The following SRCIN1 variants were observed in gnomAD, a reference collection of about 807,000 sequenced individuals.
SRCIN1 encodes the protein P130Cas-associated protein.
Under a neutral mutation model 116.2 loss-of-function variants are expected in SRCIN1, and 50 were observed. The ratio of observed to expected loss-of-function variants is 0.43; its 90% confidence interval spans 0.34 to 0.54. The LOEUF (loss-of-function observed/expected upper bound fraction) is 0.54, where lower values mean the gene tolerates loss of function less well. Among genes scored for constraint, SRCIN1 ranks in the 20% least tolerant of loss-of-function variants. The pLI is 0.02. For synonymous variants in SRCIN1, 736 were observed against 750.0 expected (o/e 0.98, Z 0.30); for missense variants, 1,446 against 1,672.0 (o/e 0.86, Z 2.36).
Position 38,568,169 on chromosome 17 carries a change from G to A in SRCIN1, c.345+42C>T, listed in dbSNP as rs1309700479. ...GAGAGGCAGGGGCAGGGGAGGGAGA[G>A]CACATGCAGTTGTCATGGGAGCAGA... is the stretch of plus-strand genomic sequence containing the variant. On this transcript the variant is annotated intron_variant, in intron 3 of 18. Transcript: ENST00000617146. The surrounding 1 kb of genome is among the most constrained non-coding windows in gnomAD (Gnocchi z 4.5). 6.2e-7 allele frequency: 1 copy of A among 1,610,044 alleles called. No homozygotes were observed. Among genetic ancestry groups the A allele is most frequent in the Non-Finnish European group, 8.5e-7 (1 of 1,177,422 alleles).
In SRCIN1 at chr17:38,562,825, A is replaced by C. The variant is rs2143196578; in HGVS notation, c.834+2T>G. ...CAATGCCCTGGGCATGCCCAGCCAT[A>C]CCCGGAGGTCCCCGTTGGTGAGATG... is the stretch of plus-strand genomic sequence containing the variant. On this transcript the variant is annotated splice_donor_variant, in intron 6 of 18. Coordinates refer to ENST00000617146, the MANE Select transcript of SRCIN1 (RefSeq NM_025248.3). LOFTEE classifies it high-confidence loss of function. This position sits in a 1 kb window ranked among gnomAD's most constrained non-coding sequence, Gnocchi z 4.2. 1 of 1,613,106 alleles carries C rather than the reference A, an allele frequency of 6.2e-7. No homozygotes were observed. The highest frequency in any genetic ancestry group is 1.1e-5 in the South Asian group (1 of 90,974).
chr17:38,559,909 T>G, intron 9 of SRCIN1, 137 bp from the exon 10 acceptor site: 2 of 1,367,832 alleles, frequency 1.5e-6, no homozygotes, highest in South Asian at 2.7e-5. Flanking sequence ...CCCCAAGTGG[T>G]CAGCCCTAAC....
At chr17:38,593,493 G>C (rs963610871) in intron 1 of SRCIN1, among the ~76,000 whole-genome samples, 1 of 152,116 alleles carries the variant, frequency 6.6e-6, no homozygotes, top group Non-Finnish European at 1.5e-5. Flanking sequence ...AGGCTGCCCT[G>C]CTAGAGACTG....
chr17:38,587,113 C>T (rs1055090530), intron 1 of SRCIN1, among the ~76,000 whole-genome samples: 1 of 152,132 alleles, frequency 6.6e-6, no homozygotes, highest in Non-Finnish European at 1.5e-5. Context: ...GCAGGACCCT[C>T]ACCTCCTCCC....
intron 1 of SRCIN1, among the ~76,000 whole-genome samples, chr17:38,584,877 G>C (rs2081601373): frequency 6.6e-6 from 1 of 152,170 alleles, no homozygotes; most frequent in South Asian, 2.1e-4. Flanking sequence ...AGGAAGGAGA[G>C]AGGCAAATGG....
Position 38,563,257 on chromosome 17 carries a change from G to T in SRCIN1, c.740+66C>A, listed in dbSNP as rs1193115537. 1.0e-5 allele frequency: 16 copies of T among 1,528,788 alleles called. 1 individual carries two copies. The South Asian group carries it at 1.8e-4, about 17-fold the overall frequency. The allele number at this position is 1,528,788 out of a possible 1,614,324, so 94.7% of individuals were successfully genotyped here. Reference sequence around the variant, plus strand: ...GAAGGAGCTGGGGAAGGGCCGGCGGGGTCCAGCACCCTGCAGAGGAGGAGC... The same window carrying T: ...GAAGGAGCTGGGGAAGGGCCGGCGGTGTCCAGCACCCTGCAGAGGAGGAGC... On this transcript the variant is annotated intron_variant, in intron 5 of 18. Coordinates refer to ENST00000617146, the MANE Select transcript of SRCIN1 (RefSeq NM_025248.3). This position sits in a 1 kb window ranked among gnomAD's most constrained non-coding sequence, Gnocchi z 5.8.
chr17:38,564,365 C>A (rs544164822), intron 3 of SRCIN1, 52 bp from the exon 4 acceptor site: 63 of 1,445,242 alleles, frequency 4.4e-5, no homozygotes, highest in South Asian at 1.2e-4. Flanking sequence ...CCCCCCCTCC[C>A]CTTTGCTTGT....
Position 38,563,558 on chromosome 17 carries a change from C to G in SRCIN1, c.542-37G>C, listed in dbSNP as rs118094989. 4 of 1,540,374 alleles carry G rather than the reference C, an allele frequency of 2.6e-6. No homozygotes were observed. Among genetic ancestry groups the G allele is most frequent in the East Asian group, 4.9e-5 (2 of 40,916 alleles). Reference sequence around the variant, plus strand: ...ACGCCGCCCTCGCTGTCACTGCTGCCGTCTCCACGCCGCCCTCCAGGAGAG... The same window carrying G: ...ACGCCGCCCTCGCTGTCACTGCTGCGGTCTCCACGCCGCCCTCCAGGAGAG... On this transcript the variant is annotated intron_variant, in intron 4 of 18. Transcript: ENST00000617146. The surrounding 1 kb of genome is among the most constrained non-coding windows in gnomAD (Gnocchi z 5.8).
In SRCIN1 at chr17:38,555,728, C is replaced by T. The variant is rs549644508; in HGVS notation, c.2201+2499G>A. Reference sequence around the variant, plus strand: ...GCATCTCATTTTCACACTAGACCAACATCAGCCACGCTGCCCCCAATCCAT... The same window carrying T: ...GCATCTCATTTTCACACTAGACCAATATCAGCCACGCTGCCCCCAATCCAT... On this transcript the variant is annotated intron_variant, in intron 11 of 18. Transcript: ENST00000617146. Among the ~76,000 whole-genome samples the T allele has an allele frequency of 7.9e-5, 12 of 152,346 alleles. No individual in the cohort carries two copies. The East Asian group carries it at 1.5e-3, about 20-fold the overall frequency.
Position 38,548,624 on chromosome 17 carries a change from G to T in SRCIN1, c.3203C>A (p.Thr1068Lys), listed in dbSNP as rs1299002292. Residue 1068 changes from threonine to lysine, a missense_variant, in exon 17 of 19, where the codon ACA (threonine) becomes AAA (lysine). Thr to Lys is a moderately conservative substitution (Grantham distance 78). This residue lies in a region of SRCIN1 where 531 missense variants were observed against 633.9 expected (regional missense o/e 0.84). Coordinates refer to ENST00000617146, the MANE Select transcript of SRCIN1 (RefSeq NM_025248.3). ...GATGGCCGAGGCCATGATGGGTGGT[G>T]TGGAGGCTGGGCGGGCCACCTCAGA... ...AVSEVARPAS[T>K]PPIMASAIKD... is the part of the protein sequence containing the mutation. 6.2e-7 allele frequency: 1 copy of T among 1,613,236 alleles called. No individual in the cohort carries two copies. The highest frequency in any genetic ancestry group is 8.5e-7 in the Non-Finnish European group (1 of 1,179,792).
chr17:38,578,662 T>C lies in SRCIN1; in HGVS notation c.152A>G (p.His51Arg). Residue 51 changes from histidine to arginine, a missense_variant, in exon 2 of 19, where the codon CAC becomes CGC. By Grantham distance (29) the His-to-Arg change is conservative. Coordinates refer to ENST00000617146, the MANE Select transcript of SRCIN1 (RefSeq NM_025248.3). ...GRRFSNVGLV[H>R]TSERRHTVIA... ...CACCGTGTGCCGCCGCTCGGACGTG[T>C]GCACCAGCCCCACGTTGGAGAAGCG... The C allele has an allele frequency of 6.3e-7, 1 of 1,575,362 alleles. No homozygotes were observed. Among genetic ancestry groups the C allele is most frequent in the South Asian group, 1.2e-5 (1 of 86,716 alleles).
chr17:38,598,537 C>T (rs984303624), intron 1 of SRCIN1, among the ~76,000 whole-genome samples: 3 of 152,082 alleles, frequency 2.0e-5, no homozygotes, highest in Non-Finnish European at 4.4e-5. Flanking sequence ...TCTGGGGGCC[C>T]CTCTATGGGC....
intron 14 of SRCIN1, 42 bp downstream of exon 14, chr17:38,551,844 A>T (rs778724701): frequency 2.7e-5 from 44 of 1,610,978 alleles, no homozygotes; most frequent in Non-Finnish European, 3.6e-5. Flanking sequence ...AGAATGTGTG[A>T]ACCTGGCTCA....
At chr17:38,605,549 G>T in intron 1 of SRCIN1, 135 bp downstream of exon 1, 2 of 538,456 alleles carry the variant, frequency 3.7e-6, no homozygotes, top group South Asian at 2.5e-5. Context: ...AGCATCCCTC[G>T]CCCCGCCGGC....
chr17:38,562,981 G>A lies in SRCIN1; in HGVS notation c.741-61C>T. 2.2e-6 allele frequency: 3 copies of A among 1,380,632 alleles called. 1 individual carries two copies. In the South Asian group the frequency reaches 3.6e-5, roughly 17 times the overall value. 85.5% of individuals were successfully genotyped at this position (1,380,632 alleles called of 1,614,324 possible). A position where few individuals can be genotyped will look rare whatever the true frequency, so the allele number is the denominator to read the frequency against. On this transcript the variant is annotated intron_variant, in intron 5 of 18. Coordinates refer to ENST00000617146, the MANE Select transcript of SRCIN1 (RefSeq NM_025248.3). The surrounding 1 kb of genome is among the most constrained non-coding windows in gnomAD (Gnocchi z 4.2). ...CCCCCAGCTGTGCACAATGAGAAGG[G>A]ATGGCTACTCCAGGCCTAGAGAAGA... is the stretch of plus-strand genomic sequence containing the variant.
chr17:38,600,645 C>G (rs920850053), intron 1 of SRCIN1, among the ~76,000 whole-genome samples: 1 of 152,238 alleles, frequency 6.6e-6, no homozygotes, highest in Non-Finnish European at 1.5e-5. Flanking sequence ...AAGCTCCCGG[C>G]AGAGGGCTAG....
At position 38,558,326 on chromosome 17, in the gene SRCIN1, G is replaced by A. The variant is rs11653283; in HGVS notation, c.2102C>T (p.Ala701Val). 5.5e-4 allele frequency: 885 copies of A among 1,610,186 alleles called. 1 individual carries two copies. Among genetic ancestry groups the A allele is most frequent in the Middle Eastern group, 8.3e-4 (5 of 6,058 alleles). ...CTGCAGCGGGTCCTCCTGCCGCCGC[G>A]CCGCCTCCGACACGCGCATGCTCAG... is the stretch of plus-strand genomic sequence containing the variant. ...AELSMRVSEA[A>V]RRQEDPLQRQ... Residue 701 changes from alanine (A) to valine (V), a missense_variant, in exon 11 of 19, where the codon GCG (alanine) becomes GTG (valine). By Grantham distance (64) the Ala-to-Val change is moderately conservative. This residue lies in a region of SRCIN1 where 398 missense variants were observed against 385.6 expected (regional missense o/e 1.03). Transcript: ENST00000617146. The surrounding 1 kb of genome is among the most constrained non-coding windows in gnomAD (Gnocchi z 4.6).
chr17:38,548,042 C>T (rs1426529155), intron 17 of SRCIN1, among the ~76,000 whole-genome samples: 1 of 152,156 alleles, frequency 6.6e-6, no homozygotes, highest in Non-Finnish European at 1.5e-5. Flanking sequence ...CCCTCTCTGC[C>T]CTCATCTGGT....
rs1199598310 is a variant in SRCIN1 at position 38,552,961 on chromosome 17, G to C, written c.2202-106C>G. 2.0e-6 allele frequency: 3 copies of C among 1,510,638 alleles called. No homozygotes were observed. In the Admixed American group the frequency reaches 6.3e-5, roughly 32 times the overall value. 93.6% of individuals were successfully genotyped at this position (1,510,638 alleles called of 1,614,324 possible). ...AATCAGGCCACCAGTTGGATCGAAA[G>C]TAAAAGCAGGAGGCTGGGCACCGTG... On this transcript the variant is annotated intron_variant, in intron 11 of 18. Transcript: ENST00000617146. This position sits in a 1 kb window ranked among gnomAD's most constrained non-coding sequence, Gnocchi z 5.3.
Sources: allele counts gnomAD v4.1 joint callset (sites outside exome capture counted in the v4.1 genomes callset), GRCh38; gene constraint gnomAD v4.1.1; regional missense constraint gnomAD v4.1.1; non-coding constraint Gnocchi (gnomAD v3.1); transcripts MANE v1.5; gene names NCBI Gene and HGNC (gene_info 2026-07-23, HGNC 2026-07-21).